Variants in USH2A observed in about 807,000 individuals in gnomAD.
USH2A encodes the protein usherin, also known as Usher syndrome 2A (autosomal recessive, mild).
Under a neutral mutation model 538.9 loss-of-function variants are expected in USH2A, and 443 were observed. That is an observed-to-expected ratio of 0.82 (90% CI 0.76 to 0.89). The LOEUF is 0.89. Ranked by LOEUF, USH2A falls within the 40% of genes least tolerant of loss-of-function variation. The pLI, the probability that USH2A is intolerant of heterozygous loss-of-function variation, is 0.00. For missense variants in USH2A, 6,633 were observed against 6,324.8 expected (o/e 1.05, Z -1.65); for synonymous variants, 2,413 against 2,273.5 (o/e 1.06, Z -1.75).
rs570699582 is a variant in USH2A at position 215,959,140 on chromosome 1, A to G, written c.7120+6177T>C. 1.3e-4 allele frequency among the ~76,000 whole-genome samples: 19 copies of G among 150,236 alleles called. No individual in the cohort carries two copies. The South Asian group carries it at 4.0e-3, about 32-fold the overall frequency. ...ATTTTTTATAATGTTTTGCAAAAAT[A>G]ATATGTATATATTATAGAATTTTTT... On this transcript the variant is annotated intron_variant, in intron 37 of 71. Transcript: ENST00000307340.
intron 44 of USH2A, among the ~76,000 whole-genome samples, chr1:215,856,181 T>C (rs977275368): frequency 1.3e-5 from 2 of 152,068 alleles, no homozygotes; most frequent in Non-Finnish European, 2.9e-5. Flanking sequence ...GAAAGATAAA[T>C]AGTTGGAACT....
rs1174458458 is a variant in USH2A, at chr1:216,246,601, A to G, written c.2793T>C (p.Cys931=). The G allele has an allele frequency of 6.2e-7, 1 of 1,614,072 alleles. No individual in the cohort carries two copies. ...LCVPNRQGRR[C]NQCQPGFYIS... Reference sequence around the variant, plus strand: ...CTTTCTTACCTGGTTGACACTGATTACACCTTCTTCCTTGACGATTAGGCA... The same window carrying G: ...CTTTCTTACCTGGTTGACACTGATTGCACCTTCTTCCTTGACGATTAGGCA... Residue 931 remains cysteine, a synonymous_variant, in exon 13 of 72, where the codon TGT becomes TGC. Coordinates refer to ENST00000307340, the MANE Select transcript of USH2A (RefSeq NM_206933.4).
chr1:215,956,883 G>A (rs879534526), intron 37 of USH2A, among the ~76,000 whole-genome samples: 1 of 152,046 alleles, frequency 6.6e-6, no homozygotes, highest in Non-Finnish European at 1.5e-5. Flanking sequence ...AGCTTTATTG[G>A]CCATGACATG....
chr1:215,879,248 A>G, intron 41 of USH2A, 150 bp from the exon 42 acceptor site: 1 of 713,830 alleles, frequency 1.4e-6, no homozygotes, highest in Admixed American at 2.1e-5. Context: ...GACAGTAATG[A>G]AGGGTTTGAG....
chr1:215,914,385 T>C (rs536180680), intron 38 of USH2A, among the ~76,000 whole-genome samples: 2 of 152,208 alleles, frequency 1.3e-5, no homozygotes, highest in South Asian at 2.1e-4. Context: ...ATAAAACAAT[T>C]TGCATTTTTG....
intron 44 of USH2A, among the ~76,000 whole-genome samples, chr1:215,859,529 A>G (rs149112869): frequency 0.011 from 1,656 of 152,184 alleles, 26 homozygotes; most frequent in African/African-American, 0.037. Flanking sequence ...ATGAGACTCC[A>G]TCTCCAAAAA....
chr1:215,684,796 G>A (rs1658355223), intron 61 of USH2A, among the ~76,000 whole-genome samples: 1 of 152,126 alleles, frequency 6.6e-6, no homozygotes, highest in Non-Finnish European at 1.5e-5. Context: ...AAATGGATGA[G>A]TTTTGGCTTC....
chr1:216,149,780 G>T (rs1265077881), intron 21 of USH2A, among the ~76,000 whole-genome samples: 2 of 152,070 alleles, frequency 1.3e-5, no homozygotes, highest in Non-Finnish European at 2.9e-5. Context: ...TTAAGAATCT[G>T]ACCCCTCAAA....
intron 32 of USH2A, among the ~76,000 whole-genome samples, chr1:216,041,780 T>G (rs550291080): frequency 6.6e-6 from 1 of 152,088 alleles, no homozygotes; most frequent in Non-Finnish European, 1.5e-5. Flanking sequence ...TATAAAAGGT[T>G]AATAATTATT....
intron 9 of USH2A, among the ~76,000 whole-genome samples, chr1:216,300,747 T>G (rs1289116294): frequency 6.6e-6 from 1 of 150,874 alleles, no homozygotes; most frequent in East Asian, 1.9e-4. Flanking sequence ...CAATGTTTTT[T>G]TTTTTTTTTT....
intron 21 of USH2A, among the ~76,000 whole-genome samples, chr1:216,129,667 G>A (rs1025711865): frequency 1.3e-5 from 2 of 151,614 alleles, no homozygotes; most frequent in South Asian, 2.1e-4. Context: ...AATCCCTATC[G>A]AAATACTAAT....
intron 14 of USH2A, among the ~76,000 whole-genome samples, chr1:216,223,284 C>T (rs2035494154): frequency 2.0e-5 from 3 of 152,052 alleles, no homozygotes; most frequent in South Asian, 2.1e-4. Flanking sequence ...TATTACATCA[C>T]GTTGAATAAA....
intron 21 of USH2A, among the ~76,000 whole-genome samples, chr1:216,118,601 A>T (rs2033061773): frequency 6.6e-6 from 1 of 152,238 alleles, no homozygotes; most frequent in Non-Finnish European, 1.5e-5. Context: ...AGATACTAAT[A>T]TGGAAAAGAC....
intron 9 of USH2A, among the ~76,000 whole-genome samples, chr1:216,311,027 G>A (rs2037411059): frequency 6.6e-6 from 1 of 152,214 alleles, no homozygotes; most frequent in African/African-American, 2.4e-5. Context: ...AGGTCCCAAA[G>A]GGAATATCCT....
At position 215,983,610 on chromosome 1, in the gene USH2A, AC is replaced by A. The variant is rs146385773; in HGVS notation, c.6805+9409del. Reference sequence around the variant, plus strand: ...CATTTTAAATTTATCTTCACGCACTACCCCCCCATCAAAAAAACAAACACAC... The same window carrying A: ...CATTTTAAATTTATCTTCACGCACTACCCCCCATCAAAAAAACAAACACAC... On this transcript the variant is annotated intron_variant, in intron 35 of 71. Coordinates refer to ENST00000307340, the MANE Select transcript of USH2A (RefSeq NM_206933.4). Among the ~76,000 whole-genome samples the A allele has an allele frequency of 7.4e-3, 1,127 of 151,668 alleles. 10 individuals are homozygous for A. The highest frequency in any genetic ancestry group is 0.011 in the Non-Finnish European group (742 of 67,894).
chr1:215,630,485 TATATA>T (rs1656236953), intron 70 of USH2A, among the ~76,000 whole-genome samples: 1 of 9,006 alleles, frequency 1.1e-4, no homozygotes, highest in Non-Finnish European at 3.8e-4. Context: ...TGTGTGTGTA[TATATA>T]TATATATATA....
intron 32 of USH2A, among the ~76,000 whole-genome samples, chr1:216,001,876 G>A (rs1048833027): frequency 2.0e-5 from 3 of 152,100 alleles, no homozygotes; most frequent in African/African-American, 7.2e-5. Context: ...GGTTACCTTA[G>A]AACAAAAAGT....
intron 21 of USH2A, among the ~76,000 whole-genome samples, chr1:216,107,344 C>A (rs1000558782): frequency 1.1e-4 from 16 of 151,732 alleles, no homozygotes; most frequent in African/African-American, 3.6e-4. Flanking sequence ...AGGATAATTT[C>A]TTCTTAATCA....
At chr1:216,015,618 G>C (rs1343572801) in intron 32 of USH2A, among the ~76,000 whole-genome samples, 1 of 152,140 alleles carries the variant, frequency 6.6e-6, no homozygotes, top group African/African-American at 2.4e-5. Flanking sequence ...GGTTGAACTA[G>C]TTTACAGTCC....
Sources: gnomAD v4.1 joint callset for allele counts (sites outside exome capture counted in the v4.1 genomes callset) on GRCh38, gnomAD v4.1.1 for gene constraint, MANE v1.5 for transcripts, NCBI Gene and HGNC (gene_info 2026-07-23, HGNC 2026-07-21) for gene names.